USHBP1: variants seen among roughly 807,000 people sequenced by gnomAD.
USHBP1 encodes harmonin-binding protein USHBP1.
A neutral mutation model predicts 76.2 loss-of-function variants in USHBP1; 67 were observed. The ratio of observed to expected loss-of-function variants is 0.88; its 90% CI spans 0.72 to 1.08. The LOEUF is 1.08. Ranked by LOEUF, USHBP1 falls within the 50% of genes least tolerant of loss-of-function variation. The probability of loss-of-function intolerance (pLI) is 0.00; values close to 1 mark genes in which losing one functional copy is unlikely to be tolerated. For missense variants in USHBP1, 931 were observed against 915.0 expected, an observed-to-expected ratio of 1.02 and a Z score of -0.23; for synonymous variants, 322 against 362.2, an observed-to-expected ratio of 0.89 and a Z score of 1.26.
rs550930182 is a variant in USHBP1, at chr19:17,250,541, C to G, written c.1923-127G>C. ...TCTCCAAGGGTCCCAGCTAGCTGGTCTTTTGTTGTTGTTGTTGTTGTTGTT... is the reference window on the plus strand; with the variant it reads ...TCTCCAAGGGTCCCAGCTAGCTGGTGTTTTGTTGTTGTTGTTGTTGTTGTT... On this transcript the variant is annotated intron_variant, in intron 12 of 12. Coordinates refer to ENST00000252597, the MANE Select transcript of USHBP1 (RefSeq NM_031941.4). 2.7e-6 allele frequency: 3 copies of G among 1,109,868 alleles called. No homozygotes were observed. In the South Asian group the frequency reaches 4.4e-5, roughly 16 times the overall value. The allele number at this position is 1,109,868 out of a possible 1,614,324, so 68.8% of individuals were successfully genotyped here.
In USHBP1 at chr19:17,250,427, G is replaced by A. The variant is rs753261660; in HGVS notation, c.1923-13C>T. 1 of 1,608,346 alleles carries A rather than the reference G, an allele frequency of 6.2e-7. No homozygotes were observed. Among genetic ancestry groups the A allele is most frequent in the Non-Finnish European group, 8.5e-7 (1 of 1,179,142 alleles). ...CAGGACCAGGGCGCTGGAAGGGGTG[G>A]GTGGCTGGGTCAGGAAACAGCCCCC... On this transcript the variant is annotated splice_polypyrimidine_tract_variant and intron_variant, in intron 12 of 12. Transcript: ENST00000252597.
intron 9 of USHBP1, among the ~76,000 whole-genome samples, 182 bp from the exon 10 acceptor site, chr19:17,255,788 G>A (rs1427234454): frequency 1.3e-5 from 2 of 152,142 alleles, no homozygotes; most frequent in South Asian, 2.1e-4. Flanking sequence ...ATTACCTGAG[G>A]TCAGGAGTTC....
rs746172147 is a variant in USHBP1, at chr19:17,262,570, C to T, written c.624G>A (p.Lys208=). ...CACTCACCTCTTTCTGCAGCGTCTC[C>T]TTCTCAGCTCGGATGGCCTCCAGGG... The part of the protein sequence containing the change: ...QASLEAIRAE[K]ETLQKEVQEL... Residue 208 remains lysine, a synonymous_variant, in exon 4 of 13, where the codon AAG becomes AAA. Coordinates refer to ENST00000252597, the MANE Select transcript of USHBP1 (RefSeq NM_031941.4). 19 of 1,607,950 alleles carry T rather than the reference C, an allele frequency of 1.2e-5. No homozygotes were observed. In the African/African-American group the frequency reaches 2.4e-4, roughly 20 times the overall value.
chr19:17,259,606 G>A lies in USHBP1; in HGVS notation c.895C>T (p.Gln299Ter), dbSNP rs932108215. The A allele has an allele frequency of 3.1e-6, 5 of 1,610,674 alleles. No individual in the cohort carries two copies. Among genetic ancestry groups the A allele is most frequent in the Non-Finnish European group, 4.2e-6 (5 of 1,178,732 alleles). The change falls in exon 6 of 13, where the codon CAA (glutamine) becomes TAA (stop). Residue 299 changes from glutamine (Q) to a stop codon, truncating the protein, a stop_gained. Transcript: ENST00000252597. LOFTEE classifies it high-confidence loss of function. ...ATTTGAGTCTCTTACCCCCGGAGTT[G>A]CTCCATCTGGGCTTCCATGATGTGC... Reference protein sequence around the residue: ...EMHIMEAQMEQLRGSIEKLKC... With the variant: ...EMHIMEAQME
In USHBP1 at chr19:17,264,160, AC is replaced by A. The variant is rs745397263; in HGVS notation, c.55-11del. Reference sequence around the variant, plus strand: ...CGGGATCCAGTTCACCCTGCAAATGACCCCCGGGGCCCTGCTCTGAGCCAGG... The same window carrying A: ...CGGGATCCAGTTCACCCTGCAAATGACCCCGGGGCCCTGCTCTGAGCCAGG... On this transcript the variant is annotated splice_polypyrimidine_tract_variant and intron_variant, in intron 2 of 12. Coordinates refer to ENST00000252597, the MANE Select transcript of USHBP1 (RefSeq NM_031941.4). 13 of 1,612,122 alleles carry A rather than the reference AC, an allele frequency of 8.1e-6. No homozygotes were observed. The highest frequency in any genetic ancestry group is 1.7e-5 in the Admixed American group (1 of 59,808).
chr19:17,252,886 C>CAA (rs550843163), intron 10 of USHBP1, among the ~76,000 whole-genome samples: 121 of 137,354 alleles, frequency 8.8e-4, no homozygotes, highest in African/African-American at 3.1e-3. Flanking sequence ...GACTCTGTCT[C>CAA]AAAAAAAAAA....
intron 2 of USHBP1, 26 bp downstream of exon 2, chr19:17,264,220 T>C: frequency 6.2e-7 from 1 of 1,613,582 alleles, no homozygotes; most frequent in African/African-American, 1.3e-5. Flanking sequence ...AGGATCTGGG[T>C]GTGGAGGGGA....
chr19:17,256,210 A>G (rs1053606807), intron 9 of USHBP1, among the ~76,000 whole-genome samples: 13 of 152,124 alleles, frequency 8.5e-5, no homozygotes, highest in Non-Finnish European at 1.9e-4. Context: ...ATGCCAAGCT[A>G]CAAACCCAAG....
chr19:17,263,648 GTTGGGGGATCAC>G (rs2073717499), intron 3 of USHBP1: 1 of 192,402 alleles, frequency 5.2e-6, no homozygotes, highest in African/African-American at 2.3e-5. Context: ...GGAGGCCAAA[GTTGGGGGATCAC>G]TTAAGGGCAG....
At chr19:17,252,186 T>A (rs928791142) in intron 10 of USHBP1, among the ~76,000 whole-genome samples, 169 bp from the exon 11 acceptor site, 6 of 152,018 alleles carry the variant, frequency 3.9e-5, no homozygotes, top group Admixed American at 1.3e-4. Context: ...AAGGGAAATA[T>A]CCTATTTAAT....
Position 17,260,037 on chromosome 19 carries a change from G to C in USHBP1, c.643-15C>G. On this transcript the variant is annotated splice_polypyrimidine_tract_variant and intron_variant, in intron 4 of 12. Coordinates refer to ENST00000252597, the MANE Select transcript of USHBP1 (RefSeq NM_031941.4). ...AGCTCTTGAACCTGGGAAAGATGAG[G>C]GGGACGTCAGGCCTAGGGGCTCAAA... 1 of 1,609,478 alleles carries C rather than the reference G, an allele frequency of 6.2e-7. No homozygotes were observed. Among genetic ancestry groups the C allele is most frequent in the Non-Finnish European group, 8.5e-7 (1 of 1,176,710 alleles).
intron 11 of USHBP1, 93 bp downstream of exon 11, chr19:17,251,818 T>C: frequency 6.4e-7 from 1 of 1,558,640 alleles, no homozygotes. Context: ...TACACCGGGG[T>C]ACACCTTAGC....
In USHBP1 at chr19:17,251,896, G is replaced by A. The variant is rs1599464632; in HGVS notation, c.1799+15C>T. 6.5e-7 allele frequency: 1 copy of A among 1,535,022 alleles called. No individual in the cohort carries two copies. The highest frequency in any genetic ancestry group is 2.4e-5 in the East Asian group (1 of 40,884). ...CCTGCCCACCCCCCGCACAGCCCAGGACCCAGGCACACACCTGGTGAGCGA... is the reference window on the plus strand; with the variant it reads ...CCTGCCCACCCCCCGCACAGCCCAGAACCCAGGCACACACCTGGTGAGCGA... On this transcript the variant is annotated intron_variant, in intron 11 of 12. Transcript: ENST00000252597.
Position 17,253,599 on chromosome 19 carries a change from T to G in USHBP1, c.1693-1582A>C, listed in dbSNP as rs546649640. On this transcript the variant is annotated intron_variant, in intron 10 of 12. Coordinates refer to ENST00000252597, the MANE Select transcript of USHBP1 (RefSeq NM_031941.4). Reference sequence around the variant, plus strand: ...CCACCGTGCCTGGCCAATAATAATTTTTTAAAAATTAGGCTGGACGTGGTG... The same window carrying G: ...CCACCGTGCCTGGCCAATAATAATTGTTTAAAAATTAGGCTGGACGTGGTG... Among the ~76,000 whole-genome samples the G allele has an allele frequency of 6.0e-5, 9 of 149,546 alleles. 1 individual carries two copies. In the South Asian group the frequency reaches 1.9e-3, roughly 32 times the overall value.
At chr19:17,264,540 C>T (rs2073730150) in intron 1 of USHBP1, 131 bp downstream of exon 1, 2 of 547,618 alleles carry the variant, frequency 3.7e-6, no homozygotes, top group South Asian at 2.5e-5. Context: ...TGATCTCCCC[C>T]TTCTTCTCTG....
chr19:17,255,566 C>A lies in USHBP1; in HGVS notation c.1511G>T (p.Arg504Leu). The change falls in exon 10 of 13, where the codon CGG becomes CTG. Residue 504 changes from arginine to leucine, a missense_variant. Arg to Leu is a moderately radical substitution (Grantham distance 102, BLOSUM62 -2). Transcript: ENST00000252597. ...ADLMLRLQLVRREKRGLELRE... is the reference protein window; with the variant it reads ...ADLMLRLQLVLREKRGLELRE... ...CAGCTCTAGGCCCCGCTTCTCACGC[C>A]GCACCAGCTGCAGCCGAAGCATCAG... 6.2e-7 allele frequency: 1 copy of A among 1,612,934 alleles called. No homozygotes were observed.
At chr19:17,250,904 AGGCT>A (rs954220015) in intron 12 of USHBP1, among the ~76,000 whole-genome samples, 1 of 150,708 alleles carries the variant, frequency 6.6e-6, no homozygotes, top group African/African-American at 2.5e-5. Context: ...CTTGTTGCCC[AGGCT>A]GGAGTGCAAT....
intron 4 of USHBP1, among the ~76,000 whole-genome samples, chr19:17,262,032 A>T (rs1426349383): frequency 8.1e-6 from 1 of 123,032 alleles, no homozygotes. Context: ...ACAGAGTCTC[A>T]CTCTGTCCCC....
intron 11 of USHBP1, 69 bp downstream of exon 11, chr19:17,251,842 G>T: frequency 6.6e-7 from 1 of 1,518,766 alleles, no homozygotes; most frequent in South Asian, 1.2e-5. Flanking sequence ...TACTGCAGAC[G>T]ACACCCCCGG....
Sources: gnomAD v4.1 joint callset for allele counts (sites outside exome capture counted in the v4.1 genomes callset) on GRCh38, gnomAD v4.1.1 for gene constraint, MANE v1.5 for transcripts, NCBI Gene and HGNC (gene_info 2026-07-23, HGNC 2026-07-21) for gene names.